Variants in POLDIP3 observed in about 807,000 individuals in gnomAD.
POLDIP3 encodes polymerase delta-interacting protein 3.
In POLDIP3, 14 loss-of-function variants were observed where a neutral mutation model predicts 45.1. The observed-to-expected ratio is 0.31, with a 90% CI of 0.20 to 0.49. The LOEUF is 0.49. POLDIP3 is among the 20% of genes least tolerant of loss of function. POLDIP3 has a pLI of 0.99. For synonymous variants in POLDIP3, 223 were observed against 205.2 expected, an observed-to-expected ratio of 1.09 and a Z score of -0.74; for missense variants, 511 against 538.8, an observed-to-expected ratio of 0.95 and a Z score of 0.51.
intron 1 of POLDIP3, among the ~76,000 whole-genome samples, chr22:42,603,941 ATT>A (rs372249140): frequency 1.3e-5 from 2 of 152,000 alleles, no homozygotes; most frequent in Non-Finnish European, 2.9e-5. Flanking sequence ...AAAATAAAAT[ATT>A]TTTTTTAACT....
chr22:42,597,239 C>T (rs924705838), intron 4 of POLDIP3, among the ~76,000 whole-genome samples: 8 of 152,184 alleles, frequency 5.3e-5, no homozygotes, highest in African/African-American at 9.7e-5. Context: ...GCAGAAGTGA[C>T]GGGGGCCCTG....
At chr22:42,609,378 C>T (rs1046410480) in intron 1 of POLDIP3, among the ~76,000 whole-genome samples, 1 of 152,184 alleles carries the variant, frequency 6.6e-6, no homozygotes, top group Non-Finnish European at 1.5e-5. Flanking sequence ...CTGGCAAGAG[C>T]GCTGCTGGCA....
At chr22:42,591,424 C>A (rs1311246977) in intron 7 of POLDIP3, among the ~76,000 whole-genome samples, 2 of 152,140 alleles carry the variant, frequency 1.3e-5, no homozygotes, top group Non-Finnish European at 2.9e-5. Context: ...TAGCACAGGG[C>A]CTTGGTCCAC....
rs1926491777 is a variant in POLDIP3, at chr22:42,602,956, T to A, written c.264A>T (p.Lys88Asn). The part of the protein sequence containing the change: ...LLQKDARFRI[K>N]GKVQDAREML... ...TCTCTCTGGCATCCTGCACTTTCCCTTTGATTCGAAATCGGGCATCTTTCT... is the reference window on the plus strand; with the variant it reads ...TCTCTCTGGCATCCTGCACTTTCCCATTGATTCGAAATCGGGCATCTTTCT... The change falls in exon 2 of 9, where the codon AAA becomes AAT. Residue 88 changes from lysine to asparagine, a missense_variant. Coordinates refer to ENST00000252115, the MANE Select transcript of POLDIP3 (RefSeq NM_032311.5). The A allele has an allele frequency of 1.2e-6, 2 of 1,614,110 alleles. No homozygotes were observed. Among genetic ancestry groups the A allele is most frequent in the East Asian group, 4.5e-5 (2 of 44,874 alleles).
chr22:42,593,365 C>T (rs948951267), intron 6 of POLDIP3, among the ~76,000 whole-genome samples: 1 of 152,046 alleles, frequency 6.6e-6, no homozygotes, highest in Admixed American at 6.5e-5. Context: ...AGAAGAGAAG[C>T]GAGGGTGATT....
intron 1 of POLDIP3, chr22:42,603,708 T>C (rs991779581): frequency 6.5e-6 from 1 of 152,780 alleles, no homozygotes; most frequent in South Asian, 2.1e-4. Flanking sequence ...AGAGCAAACA[T>C]ATGGGTCTGG....
intron 1 of POLDIP3, among the ~76,000 whole-genome samples, chr22:42,607,506 T>C (rs1351681338): frequency 2.0e-5 from 3 of 152,220 alleles, no homozygotes; most frequent in Non-Finnish European, 4.4e-5. Context: ...AGTGCCGAGA[T>C]TGCAGCCTCT....
rs781487649 is a variant in POLDIP3, at chr22:42,603,119, A to G, written c.101T>C (p.Val34Ala). 1 of 1,614,092 alleles carries G rather than the reference A, an allele frequency of 6.2e-7. No homozygotes were observed. The highest frequency in any genetic ancestry group is 1.1e-5 in the South Asian group (1 of 91,080). ...RPGVGGVRSRVGIQQGLLSQS... is the reference protein window; with the variant it reads ...RPGVGGVRSRAGIQQGLLSQS... ...GCTGAGAAGGCCTTGCTGGATCCCA[A>G]CTCGAGATCGGACACCTCCAACTCC... is the stretch of plus-strand genomic sequence containing the variant. The change falls in exon 2 of 9, where the codon GTT becomes GCT. Residue 34 changes from valine (V) to alanine (A), a missense_variant. This residue lies in a region of POLDIP3 where 378 missense variants were observed against 352.3 expected (regional missense o/e 1.07). Coordinates refer to ENST00000252115, the MANE Select transcript of POLDIP3 (RefSeq NM_032311.5).
intron 1 of POLDIP3, among the ~76,000 whole-genome samples, chr22:42,611,135 G>A (rs951596808): frequency 1.3e-5 from 2 of 152,114 alleles, no homozygotes; most frequent in African/African-American, 2.4e-5. Context: ...TTAATTGGAG[G>A]CCTAGGTAAT....
chr22:42,600,564 T>G (rs1926294903), intron 3 of POLDIP3, among the ~76,000 whole-genome samples: 2 of 150,434 alleles, frequency 1.3e-5, no homozygotes, highest in African/African-American at 4.9e-5. Flanking sequence ...AGGCGGAGCT[T>G]GCAGTGAGCC....
At chr22:42,589,554 A>C (rs1925538904) in intron 7 of POLDIP3, among the ~76,000 whole-genome samples, 1 of 152,144 alleles carries the variant, frequency 6.6e-6, no homozygotes, top group African/African-American at 2.4e-5. Flanking sequence ...TCACACCTCT[A>C]ATCCCAGCAC....
At chr22:42,597,221 T>G (rs1399034777) in intron 4 of POLDIP3, among the ~76,000 whole-genome samples, 1 of 152,176 alleles carries the variant, frequency 6.6e-6, no homozygotes, top group Non-Finnish European at 1.5e-5. Context: ...AGGAAAAAGG[T>G]GCATAAAGCA....
intron 1 of POLDIP3, among the ~76,000 whole-genome samples, chr22:42,605,185 T>TG (rs1459743986): frequency 5.9e-5 from 9 of 152,248 alleles, no homozygotes; most frequent in Non-Finnish European, 8.8e-5. Flanking sequence ...TGGAGTGCAG[T>TG]GGCGCAATCT....
At chr22:42,602,548 A>G (rs1166742801) in intron 2 of POLDIP3, among the ~76,000 whole-genome samples, 1 of 150,274 alleles carries the variant, frequency 6.7e-6, no homozygotes, top group Non-Finnish European at 1.5e-5. Flanking sequence ...CCAAATTTCT[A>G]TGGGCCTCCT....
chr22:42,599,581 TG>T, intron 4 of POLDIP3, 116 bp downstream of exon 4: 1 of 771,920 alleles, frequency 1.3e-6, no homozygotes. Flanking sequence ...TCCAGCAGCC[TG>T]GGGGAGAAGA....
chr22:42,606,606 G>A (rs1268958278), intron 1 of POLDIP3, among the ~76,000 whole-genome samples: 1 of 152,200 alleles, frequency 6.6e-6, no homozygotes, highest in Non-Finnish European at 1.5e-5. Context: ...CTGGACAACA[G>A]AGCAAGACCC....
intron 6 of POLDIP3, among the ~76,000 whole-genome samples, chr22:42,594,241 G>A (rs1045411691): frequency 1.1e-4 from 17 of 151,946 alleles, no homozygotes; most frequent in African/African-American, 3.9e-4. Flanking sequence ...CAGCCTGGGC[G>A]ACAGAGCAAG....
At chr22:42,594,050 AG>A (rs1194898352) in intron 6 of POLDIP3, among the ~76,000 whole-genome samples, 2 of 152,194 alleles carry the variant, frequency 1.3e-5, no homozygotes, top group Non-Finnish European at 2.9e-5. Context: ...TCATGAGGTC[AG>A]GAGTTCAAGA....
rs1359192535 is a variant in POLDIP3 at position 42,602,782 on chromosome 22, G to C, written c.438C>G (p.Thr146=). 1.5e-5 allele frequency: 24 copies of C among 1,602,898 alleles called. No individual in the cohort carries two copies. The highest frequency in any genetic ancestry group is 2.0e-5 in the Non-Finnish European group (23 of 1,173,790). ...IGTVTPALKL[T]KTIQVPQQKA... is the part of the protein sequence containing the mutation. ...AGCCACAACTCACCTGGATGGTTTT[G>C]GTGAGCTTCAGAGCAGGGGTCACTG... is the stretch of plus-strand genomic sequence containing the variant. Residue 146 remains threonine (T), a synonymous_variant, in exon 2 of 9, where the codon ACC becomes ACG. Transcript: ENST00000252115.
Sources: gnomAD v4.1 joint callset for allele counts (sites outside exome capture counted in the v4.1 genomes callset) on GRCh38, gnomAD v4.1.1 for gene constraint, gnomAD v4.1.1 regional missense constraint, MANE v1.5 for transcripts, NCBI Gene and HGNC (gene_info 2026-07-23, HGNC 2026-07-21) for gene names.